ITPR1: variants seen among roughly 807,000 people sequenced by gnomAD.
ITPR1 encodes inositol 1,4,5-trisphosphate-gated calcium channel ITPR1.
A neutral mutation model predicts 318.4 loss-of-function variants in ITPR1; 96 were observed. That is an observed-to-expected ratio of 0.30 (90% CI 0.26 to 0.36). The LOEUF is 0.36. ITPR1 is among the 10% of genes least tolerant of loss of function. ITPR1 has a pLI of 1.00. For missense variants in ITPR1, 2,440 were observed against 3,460.2 expected (o/e 0.71, Z 7.40); for synonymous variants, 1,312 against 1,289.9 (o/e 1.02, Z -0.37).
intron 4 of ITPR1, among the ~76,000 whole-genome samples, chr3:4,600,569 T>G (rs2091197513): frequency 6.6e-6 from 1 of 152,262 alleles, no homozygotes; most frequent in Non-Finnish European, 1.5e-5. Context: ...CGCCTCTAAA[T>G]TGAGAACATT....
intron 10 of ITPR1, among the ~76,000 whole-genome samples, chr3:4,651,137 C>G (rs974578040): frequency 6.6e-6 from 1 of 152,168 alleles, no homozygotes; most frequent in Admixed American, 6.5e-5. Flanking sequence ...TTTCCAGAAT[C>G]AGGACTCCTC....
intron 44 of ITPR1, among the ~76,000 whole-genome samples, chr3:4,742,378 A>G (rs941655646): frequency 6.6e-6 from 1 of 152,206 alleles, no homozygotes; most frequent in African/African-American, 2.4e-5. Context: ...AGCTGCTGCC[A>G]GGGCTGCTGA....
rs2094373930 is a variant in ITPR1 at position 4,685,309 on chromosome 3, C to T, written c.3702+103C>T. On this transcript the variant is annotated intron_variant, in intron 30 of 61. Coordinates refer to ENST00000649015, the MANE Select transcript of ITPR1 (RefSeq NM_001378452.1). ...GATATTGTTAGTGAAGAAATGCATC[C>T]AGTGTGACTATTGTGACTACAAAGC... 6 of 1,194,890 alleles carry T rather than the reference C, an allele frequency of 5.0e-6. No homozygotes were observed. In the East Asian group the frequency reaches 1.6e-4, roughly 31 times the overall value. 74.0% of individuals were successfully genotyped at this position (1,194,890 alleles called of 1,614,324 possible). A position where few individuals can be genotyped will look rare whatever the true frequency, so the allele number is the denominator to read the frequency against.
Position 4,680,545 on chromosome 3 carries a change from A to G in ITPR1, c.2968-8A>G. Reference sequence around the variant, plus strand: ...CCAATCTGTTTCCATTTCCACTTGAATCTTTAGTTTATTTTGAATGTGAGG... The same window carrying G: ...CCAATCTGTTTCCATTTCCACTTGAGTCTTTAGTTTATTTTGAATGTGAGG... On this transcript the variant is annotated splice_region_variant and splice_polypyrimidine_tract_variant and intron_variant, in intron 24 of 61. Transcript: ENST00000649015. The G allele has an allele frequency of 6.2e-7, 1 of 1,612,526 alleles. No individual in the cohort carries two copies. Among genetic ancestry groups the G allele is most frequent in the Non-Finnish European group, 8.5e-7 (1 of 1,178,750 alleles).
intron 55 of ITPR1, among the ~76,000 whole-genome samples, chr3:4,807,652 G>A (rs1212619193): frequency 6.6e-6 from 1 of 152,132 alleles, no homozygotes; most frequent in Non-Finnish European, 1.5e-5. Flanking sequence ...CATTAGGGGT[G>A]GATTTTGGCA....
In ITPR1 at chr3:4,680,650, C is replaced by T; in HGVS notation, c.3065C>T (p.Ser1022Phe). Residue 1022 changes from serine (S) to phenylalanine (F), a missense_variant, in exon 25 of 62, where the codon TCC becomes TTC. Coordinates refer to ENST00000649015, the MANE Select transcript of ITPR1 (RefSeq NM_001378452.1). ...DESNSQTSET[S>F]SGNSSQEGPS... is the part of the protein sequence containing the mutation. ...AGCAATTCCCAGACTTCAGAAACAT[C>T]CTCCGGAAACAGCAGCCAAGAAGGG... 1.9e-6 allele frequency: 3 copies of T among 1,613,692 alleles called. No individual in the cohort carries two copies. Among genetic ancestry groups the T allele is most frequent in the East Asian group, 2.2e-5 (1 of 44,866 alleles).
rs140397182 is a variant in ITPR1 at position 4,687,087 on chromosome 3, G to A, written c.3703-1408G>A. Among the ~76,000 whole-genome samples, 28 of 152,306 alleles carry A rather than the reference G, an allele frequency of 1.8e-4. No homozygotes were observed. In the East Asian group the frequency reaches 5.2e-3, roughly 28 times the overall value. ...CACAGAGTTATTTTTCTAGACCAGGGGTTAGCAAACTACAGGCATGGGCCG... is the reference window on the plus strand; with the variant it reads ...CACAGAGTTATTTTTCTAGACCAGGAGTTAGCAAACTACAGGCATGGGCCG... On this transcript the variant is annotated intron_variant, in intron 30 of 61. Transcript: ENST00000649015.
At position 4,742,570 on chromosome 3, in the gene ITPR1, C is replaced by G. The variant is rs145752766; in HGVS notation, c.5544+7216C>G. Among the ~76,000 whole-genome samples the G allele has an allele frequency of 1.4e-3, 217 of 152,318 alleles. 1 individual carries two copies. The highest frequency in any genetic ancestry group is 4.9e-3 in the African/African-American group (204 of 41,564). ...CAGACTATTTATAGAAAGCACCTCA[C>G]GTGGCATCTGGCCAATACAAAGATC... On this transcript the variant is annotated intron_variant, in intron 44 of 61. Coordinates refer to ENST00000649015, the MANE Select transcript of ITPR1 (RefSeq NM_001378452.1).
chr3:4,601,890 A>T (rs1247942515), intron 4 of ITPR1, among the ~76,000 whole-genome samples: 1 of 152,252 alleles, frequency 6.6e-6, no homozygotes, highest in African/African-American at 2.4e-5. Flanking sequence ...TAGGAAAAAG[A>T]TTTGAATAGA....
At position 4,661,013 on chromosome 3, in the gene ITPR1, C is replaced by A; in HGVS notation, c.1177C>A (p.Leu393Ile). 2.5e-6 allele frequency: 4 copies of A among 1,606,094 alleles called. No homozygotes were observed. The highest frequency in any genetic ancestry group is 3.4e-6 in the Non-Finnish European group (4 of 1,173,396). Residue 393 changes from leucine (L) to isoleucine (I), a missense_variant, in exon 14 of 62, where the codon CTA (leucine) becomes ATA (isoleucine). Transcript: ENST00000649015. The stretch of plus-strand genomic sequence containing the variant: ...GAACTCTTATGTTCGGCTCAGACAC[C>A]TATGTACTAATACCTGGGTTCACAG... Reference protein sequence around the residue: ...PRNSYVRLRHLCTNTWVHSTN... With the variant: ...PRNSYVRLRHICTNTWVHSTN...
intron 4 of ITPR1, among the ~76,000 whole-genome samples, chr3:4,535,328 T>G (rs2083757178): frequency 6.6e-6 from 1 of 152,006 alleles, no homozygotes; most frequent in Non-Finnish European, 1.5e-5. Context: ...GGGTACAAAC[T>G]AACAAGGCAA....
intron 4 of ITPR1, among the ~76,000 whole-genome samples, chr3:4,589,366 T>C (rs988082993): frequency 6.6e-6 from 1 of 152,170 alleles, no homozygotes; most frequent in Non-Finnish European, 1.5e-5. Context: ...ATCTGCAGCT[T>C]GAAAAACACT....
chr3:4,766,932 C>T (rs954161129), intron 45 of ITPR1, among the ~76,000 whole-genome samples: 16 of 152,148 alleles, frequency 1.1e-4, no homozygotes, highest in Non-Finnish European at 2.2e-4. Context: ...TCCTCTTGGT[C>T]GAGCTTAGGG....
At chr3:4,581,620 A>C (rs909064967) in intron 4 of ITPR1, among the ~76,000 whole-genome samples, 2 of 152,162 alleles carry the variant, frequency 1.3e-5, no homozygotes, top group Non-Finnish European at 1.5e-5. Context: ...CTTTGTGCAG[A>C]CTCCACTGTA....
At chr3:4,745,976 T>A (rs1335337453) in intron 44 of ITPR1, among the ~76,000 whole-genome samples, 2 of 152,240 alleles carry the variant, frequency 1.3e-5, no homozygotes, top group Non-Finnish European at 2.9e-5. Flanking sequence ...CCTGGGAGTT[T>A]AACCATTGTT....
chr3:4,504,647 T>A (rs545966188), intron 2 of ITPR1, among the ~76,000 whole-genome samples: 1 of 152,220 alleles, frequency 6.6e-6, no homozygotes, highest in East Asian at 1.9e-4. Context: ...AAGTCAAAAA[T>A]GTGCTGTTCC....
chr3:4,552,485 A>G (rs2085666664), intron 4 of ITPR1, among the ~76,000 whole-genome samples: 1 of 152,218 alleles, frequency 6.6e-6, no homozygotes, highest in African/African-American at 2.4e-5. Context: ...ACAGATAACC[A>G]GAGGAGGAGA....
intron 33 of ITPR1, among the ~76,000 whole-genome samples, chr3:4,695,430 A>T (rs1048004769): frequency 6.6e-6 from 1 of 152,222 alleles, no homozygotes; most frequent in African/African-American, 2.4e-5. Flanking sequence ...AGTGCAAAAA[A>T]GTACATAAAC....
Position 4,693,523 on chromosome 3 carries a change from TACA to T in ITPR1, c.4066_4068del (p.Asn1356del). On this transcript the variant is annotated inframe_deletion, in exon 33 of 62. Transcript: ENST00000649015. ...TTCGGGAGAGGATGTCCTCGTGTTC[TACA>T]ACGACAGAGCCTCTTTCCAGACTCT... 6.2e-7 allele frequency: 1 copy of T among 1,614,028 alleles called. No homozygotes were observed. Among genetic ancestry groups the T allele is most frequent in the Non-Finnish European group, 8.5e-7 (1 of 1,179,876 alleles).
Sources: gnomAD v4.1 joint callset for allele counts (sites outside exome capture counted in the v4.1 genomes callset) on GRCh38, gnomAD v4.1.1 for gene constraint, MANE v1.5 for transcripts, NCBI Gene and HGNC (gene_info 2026-07-23, HGNC 2026-07-21) for gene names.